SPAST: variants seen among roughly 807,000 people sequenced by gnomAD.
SPAST encodes the protein spastin.
A neutral mutation model predicts 76.6 loss-of-function variants in SPAST; 30 were observed. The ratio of observed to expected loss-of-function variants is 0.39; its 90% CI spans 0.29 to 0.53. The LOEUF (loss-of-function observed/expected upper bound fraction) is 0.53, where lower values mean the gene tolerates loss of function less well. Ranked by LOEUF, SPAST falls within the 20% of genes least tolerant of loss-of-function variation. The probability of loss-of-function intolerance (pLI) is 0.68; values close to 1 mark genes in which losing one functional copy is unlikely to be tolerated. For synonymous variants in SPAST, 305 were observed against 281.0 expected (o/e 1.09, Z -0.86); for missense variants, 717 against 770.5 (o/e 0.93, Z 0.82).
chr2:32,079,641 C>G (rs1050440736), intron 1 of SPAST, among the ~76,000 whole-genome samples: 1 of 145,032 alleles, frequency 6.9e-6, no homozygotes, highest in Admixed American at 7.1e-5. Context: ...TCACTGCAGC[C>G]TCCTCTTCCT....
intron 4 of SPAST, 54 bp from the exon 5 acceptor site, chr2:32,114,584 T>A (rs1458915232): frequency 1.4e-6 from 2 of 1,397,020 alleles, no homozygotes; most frequent in Non-Finnish European, 2.0e-6. Context: ...TTTGCTTGTC[T>A]TTATGTTCAG....
chr2:32,069,424 A>C (rs547943195), intron 1 of SPAST, among the ~76,000 whole-genome samples: 21 of 152,238 alleles, frequency 1.4e-4, no homozygotes, highest in African/African-American at 4.6e-4. Flanking sequence ...TCAGTGCTTC[A>C]AAATATATAT....
intron 4 of SPAST, among the ~76,000 whole-genome samples, chr2:32,104,853 A>G (rs1362705600): frequency 2.0e-5 from 3 of 152,214 alleles, no homozygotes; most frequent in African/African-American, 7.2e-5. Context: ...CTTTGTGGGT[A>G]ACCCGACCTT....
intron 16 of SPAST, among the ~76,000 whole-genome samples, chr2:32,149,256 A>ATTTTTTTTTTTTTTT (rs59020104): frequency 1.6e-5 from 2 of 123,572 alleles, no homozygotes; most frequent in African/African-American, 6.1e-5. Context: ...CGCCCAGCTA[A>ATTTTTTTTTTTTTTT]TTTTTTTTTT....
intron 1 of SPAST, among the ~76,000 whole-genome samples, chr2:32,082,788 C>G (rs980053788): frequency 1.3e-5 from 2 of 151,896 alleles, no homozygotes; most frequent in South Asian, 4.1e-4. Context: ...TTTTGTGTCT[C>G]GCTTCTCTCC....
At chr2:32,072,601 T>TG (rs1381162085) in intron 1 of SPAST, among the ~76,000 whole-genome samples, 1 of 152,134 alleles carries the variant, frequency 6.6e-6, no homozygotes, top group African/African-American at 2.4e-5. Context: ...ATGAGTCAGT[T>TG]GGGGGTCTTA....
At chr2:32,122,550 G>C (rs1054393970) in intron 7 of SPAST, among the ~76,000 whole-genome samples, 1 of 152,068 alleles carries the variant, frequency 6.6e-6, no homozygotes, top group African/African-American at 2.4e-5. Context: ...TCGAACTCCT[G>C]ACCTCAGGTG....
At chr2:32,139,183 T>C (rs535083234) in intron 12 of SPAST, among the ~76,000 whole-genome samples, 1 of 152,328 alleles carries the variant, frequency 6.6e-6, no homozygotes, top group East Asian at 1.9e-4. Flanking sequence ...TTTTTTCTAA[T>C]TTTGTGAAAA....
At chr2:32,123,060 A>G (rs536665908) in intron 7 of SPAST, among the ~76,000 whole-genome samples, 2 of 152,176 alleles carry the variant, frequency 1.3e-5, no homozygotes, top group Non-Finnish European at 2.9e-5. Flanking sequence ...TCAGGGGTTC[A>G]AGACCAGCCT....
chr2:32,070,944 A>G (rs985850063), intron 1 of SPAST, among the ~76,000 whole-genome samples: 4 of 152,264 alleles, frequency 2.6e-5, no homozygotes, highest in Admixed American at 1.3e-4. Flanking sequence ...GACTCATAGC[A>G]GAAACAAAAA....
chr2:32,134,074 C>T (rs1325481215), intron 9 of SPAST, among the ~76,000 whole-genome samples: 3 of 152,244 alleles, frequency 2.0e-5, no homozygotes, highest in Admixed American at 6.5e-5. Flanking sequence ...TCTGTTCTGT[C>T]GCCCAGGCTG....
intron 9 of SPAST, among the ~76,000 whole-genome samples, chr2:32,131,714 G>A (rs904713708): frequency 1.1e-4 from 14 of 131,418 alleles, no homozygotes; most frequent in African/African-American, 4.0e-4. Context: ...TTGCTCTGGA[G>A]TGCAGTGGCG....
Position 32,157,555 on chromosome 2 carries a change from T to C in SPAST, c.*3059T>C, listed in dbSNP as rs1024601115. On this transcript the variant is annotated 3_prime_UTR_variant, in exon 17 of 17. Transcript: ENST00000315285. ...ATTTTAGTCTGGTCTTTTGTACTTT[T>C]CTTCAGAAGAAATGAATTAAAGGGT... 1 of 152,660 alleles carries C rather than the reference T, an allele frequency of 6.6e-6. No homozygotes were observed. The highest frequency in any genetic ancestry group is 1.5e-5 in the Non-Finnish European group (1 of 68,046). The allele number at this position is 152,660 out of a possible 1,614,324, so 9.5% of individuals were successfully genotyped here.
intron 6 of SPAST, 48 bp downstream of exon 6, chr2:32,115,883 AT>A (rs1289984434): frequency 7.0e-7 from 1 of 1,432,744 alleles, no homozygotes; most frequent in African/African-American, 1.4e-5. Context: ...TTATATTTTA[AT>A]TTTACTTATA....
At chr2:32,137,217 A>G in intron 12 of SPAST, 29 bp downstream of exon 12, 3 of 1,456,644 alleles carry the variant, frequency 2.1e-6, no homozygotes, top group Non-Finnish European at 2.9e-6. Context: ...AAATACATGC[A>G]TTTATTACAG....
At chr2:32,080,466 A>G (rs571623330) in intron 1 of SPAST, among the ~76,000 whole-genome samples, 1 of 77,886 alleles carries the variant, frequency 1.3e-5, no homozygotes, top group Admixed American at 1.3e-4. Flanking sequence ...AATTTAAACT[A>G]CAAGTGGTTG....
chr2:32,099,014 C>T (rs1377953794), intron 4 of SPAST, 123 bp downstream of exon 4: 6 of 736,816 alleles, frequency 8.1e-6, no homozygotes, highest in Non-Finnish European at 1.5e-5. Context: ...TTTCACAGGG[C>T]TGTGTTGAAA....
chr2:32,082,009 T>C (rs1313721663), intron 1 of SPAST, among the ~76,000 whole-genome samples: 5 of 135,080 alleles, frequency 3.7e-5, no homozygotes, highest in East Asian at 2.1e-4. Flanking sequence ...CTCTCTCTTT[T>C]TTTTTTTTTT....
intron 1 of SPAST, among the ~76,000 whole-genome samples, chr2:32,068,673 G>T (rs1224665338): frequency 6.6e-6 from 1 of 152,066 alleles, no homozygotes; most frequent in Non-Finnish European, 1.5e-5. Context: ...GCCGTAATAT[G>T]CCAAATTAAA....
Sources: allele counts gnomAD v4.1 joint callset (sites outside exome capture counted in the v4.1 genomes callset), GRCh38; gene constraint gnomAD v4.1.1; transcripts MANE v1.5; gene names NCBI Gene and HGNC (gene_info 2026-07-23, HGNC 2026-07-21).